Variants in TBC1D32 observed in about 807,000 individuals in gnomAD.
TBC1D32 encodes the protein TBC1 domain family member 32.
TBC1D32 carries 151 observed loss-of-function variants against 170.3 expected under a neutral mutation model. That is an observed-to-expected ratio of 0.89 (90% confidence interval 0.78 to 1.01). The LOEUF is 1.01. TBC1D32 is among the 50% of genes least tolerant of loss of function. TBC1D32 has a pLI of 0.00. For missense variants in TBC1D32, 1,464 were observed against 1,457.1 expected, an observed-to-expected ratio of 1.00 and a Z score of -0.08; for synonymous variants, 498 against 488.0, an observed-to-expected ratio of 1.02 and a Z score of -0.27.
intron 17 of TBC1D32, among the ~76,000 whole-genome samples, chr6:121,249,766 T>C (rs1191408157): frequency 2.0e-5 from 3 of 151,706 alleles, no homozygotes; most frequent in South Asian, 2.1e-4. Context: ...TTTAGGAATA[T>C]ACTTAACCAA....
At chr6:121,140,419 A>G (rs970646236) in intron 24 of TBC1D32, among the ~76,000 whole-genome samples, 6 of 151,978 alleles carry the variant, frequency 3.9e-5, no homozygotes, top group African/African-American at 1.4e-4. Context: ...GAGGAATAAT[A>G]TCATCTGAAA....
intron 22 of TBC1D32, among the ~76,000 whole-genome samples, chr6:121,200,324 C>CTA (rs781238662): frequency 2.0e-5 from 3 of 151,092 alleles, no homozygotes; most frequent in Non-Finnish European, 4.4e-5. Context: ...ATTCCACAGC[C>CTA]TATAATAAAA....
At chr6:121,258,596 C>T (rs968778319) in intron 15 of TBC1D32, among the ~76,000 whole-genome samples, 3 of 152,130 alleles carry the variant, frequency 2.0e-5, no homozygotes, top group Admixed American at 2.0e-4. Context: ...TAACCATTTT[C>T]ATTAGTTTTC....
intron 22 of TBC1D32, among the ~76,000 whole-genome samples, chr6:121,203,069 T>C (rs1484975769): frequency 6.6e-6 from 1 of 151,146 alleles, no homozygotes; most frequent in South Asian, 2.1e-4. Flanking sequence ...AAGGCTTAAC[T>C]AGAAACAAAC....
chr6:121,109,321 C>T (rs1778990553), intron 29 of TBC1D32, among the ~76,000 whole-genome samples: 1 of 152,074 alleles, frequency 6.6e-6, no homozygotes, highest in African/African-American at 2.4e-5. Context: ...GCATGAATTT[C>T]CTGTTGAACT....
intron 30 of TBC1D32, among the ~76,000 whole-genome samples, chr6:121,095,506 G>A (rs917149922): frequency 6.6e-6 from 1 of 152,152 alleles, no homozygotes; most frequent in Non-Finnish European, 1.5e-5. Context: ...TCCTTGTCTT[G>A]TGTTGGTATT....
chr6:121,253,245 G>T (rs1798526166), intron 17 of TBC1D32, among the ~76,000 whole-genome samples: 1 of 151,914 alleles, frequency 6.6e-6, no homozygotes, highest in Admixed American at 6.6e-5. Context: ...AGAAGCCAAA[G>T]AAATCAGCAA....
intron 30 of TBC1D32, among the ~76,000 whole-genome samples, chr6:121,098,644 A>G (rs1302844378): frequency 6.6e-6 from 1 of 152,070 alleles, no homozygotes; most frequent in Non-Finnish European, 1.5e-5. Context: ...ATATATATCC[A>G]TACCTTTAAA....
chr6:121,261,974 A>C (rs893876106), intron 15 of TBC1D32, among the ~76,000 whole-genome samples: 1 of 152,142 alleles, frequency 6.6e-6, no homozygotes, highest in Non-Finnish European at 1.5e-5. Flanking sequence ...ACAACACGAA[A>C]ACTCTGTGAA....
At chr6:121,211,659 T>A (rs947151799) in intron 21 of TBC1D32, among the ~76,000 whole-genome samples, 8 of 152,208 alleles carry the variant, frequency 5.3e-5, no homozygotes, top group African/African-American at 1.9e-4. Context: ...TCCTTTATTA[T>A]GGCTGAGTAG....
rs538494173 is a variant in TBC1D32 at position 121,297,925 on chromosome 6, C to T, written c.1140+1521G>A. ...CACTGATGAGAAGCTAGAGGAAATA[C>T]ATCAGCAGGTCATCATGCTAAACAG... On this transcript the variant is annotated intron_variant, in intron 10 of 31. Transcript: ENST00000398212. 2.0e-5 allele frequency among the ~76,000 whole-genome samples: 3 copies of T among 152,106 alleles called. No individual in the cohort carries two copies. In the South Asian group the frequency reaches 6.2e-4, roughly 32 times the overall value.
At chr6:121,086,004 TG>T (rs141536443) in intron 31 of TBC1D32, among the ~76,000 whole-genome samples, 488 of 152,114 alleles carry the variant, frequency 3.2e-3, no homozygotes, top group African/African-American at 0.011. Context: ...TGGAGAAAAA[TG>T]GGAGCAAAAG....
chr6:121,190,096 ACACACACACACAC>A, intron 22 of TBC1D32, among the ~76,000 whole-genome samples: 1 of 141,452 alleles, frequency 7.1e-6, no homozygotes. Context: ...ACACACACAC[ACACACACACACAC>A]ACACACACAC....
intron 20 of TBC1D32, among the ~76,000 whole-genome samples, chr6:121,232,322 T>C (rs945916742): frequency 6.6e-6 from 1 of 152,188 alleles, no homozygotes; most frequent in Admixed American, 6.5e-5. Context: ...CTGTTAACTG[T>C]AGCCTTGTAA....
chr6:121,121,789 T>C (rs766678023), intron 26 of TBC1D32, among the ~76,000 whole-genome samples: 1 of 151,978 alleles, frequency 6.6e-6, no homozygotes, highest in Non-Finnish European at 1.5e-5. Context: ...AATGAAATGA[T>C]AGGTAAAACA....
intron 15 of TBC1D32, among the ~76,000 whole-genome samples, chr6:121,264,544 A>G (rs537726751): frequency 6.6e-6 from 1 of 152,110 alleles, no homozygotes; most frequent in Non-Finnish European, 1.5e-5. Context: ...AAAGGAAGGG[A>G]TTCCTTCCTA....
intron 24 of TBC1D32, among the ~76,000 whole-genome samples, chr6:121,135,359 C>T (rs1448492004): frequency 1.3e-5 from 2 of 152,016 alleles, no homozygotes; most frequent in Admixed American, 1.3e-4. Flanking sequence ...CTTCTGGCCA[C>T]GATGGAGGAA....
chr6:121,208,122 G>GAT (rs1792531783), intron 21 of TBC1D32, among the ~76,000 whole-genome samples: 2 of 150,208 alleles, frequency 1.3e-5, no homozygotes, highest in Admixed American at 1.3e-4. Flanking sequence ...AAAAAAAAAA[G>GAT]ATATGTCCAA....
rs1427596071 is a variant in TBC1D32, at chr6:121,310,794, A to G, written c.549T>C (p.Pro183=). The change falls in exon 4 of 32, where the codon CCT becomes CCC. Residue 183 remains proline, a synonymous_variant. Coordinates refer to ENST00000398212, the MANE Select transcript of TBC1D32 (RefSeq NM_152730.6). The part of the protein sequence containing the change: ...KLQLILDQLD[P]GQPKEVRYEA... ...TGAAACTTACCTCTTTAGGTTGCCC[A>G]GGATCCAACTGGTCTAAAATCAATT... 4 of 1,566,720 alleles carry G rather than the reference A, an allele frequency of 2.6e-6. No individual in the cohort carries two copies. The highest frequency in any genetic ancestry group is 1.4e-5 in the African/African-American group (1 of 73,788).
Sources: allele counts gnomAD v4.1 joint callset (sites outside exome capture counted in the v4.1 genomes callset), GRCh38; gene constraint gnomAD v4.1.1; transcripts MANE v1.5; gene names NCBI Gene and HGNC (gene_info 2026-07-23, HGNC 2026-07-21).